The following FOXP1 variants were observed in gnomAD, a reference collection of about 807,000 sequenced individuals.
The protein encoded by FOXP1 is forkhead box protein P1.
FOXP1 carries 15 observed loss-of-function variants against 98.2 expected under a neutral mutation model. That is an observed-to-expected ratio of 0.15 (90% CI 0.10 to 0.24). FOXP1 has a LOEUF of 0.24. Ranked by LOEUF, FOXP1 falls within the 10% of genes least tolerant of loss-of-function variation. FOXP1 has a pLI of 1.00. For missense variants in FOXP1, 633 were observed against 848.5 expected (o/e 0.75, Z 3.15); for synonymous variants, 371 against 314.5 (o/e 1.18, Z -1.90).
At chr3:71,090,501 T>A (rs1289491158) in intron 7 of FOXP1, among the ~76,000 whole-genome samples, 3 of 152,156 alleles carry the variant, frequency 2.0e-5, no homozygotes, top group Admixed American at 1.3e-4. Flanking sequence ...CAACTCTAAC[T>A]AGAAGGCTTG....
At chr3:71,030,376 G>A (rs922320753) in intron 11 of FOXP1, among the ~76,000 whole-genome samples, 5 of 152,120 alleles carry the variant, frequency 3.3e-5, no homozygotes, top group African/African-American at 7.2e-5. Flanking sequence ...TCTTATTCAC[G>A]TTTGTTCCAG....
chr3:71,547,041 C>G (rs2045418611), intron 2 of FOXP1, among the ~76,000 whole-genome samples: 1 of 152,146 alleles, frequency 6.6e-6, no homozygotes, highest in African/African-American at 2.4e-5. Context: ...AATAAATACT[C>G]AGGGCTGAAT....
At chr3:71,197,790 C>G (rs2063382998) in intron 6 of FOXP1, 3 of 1,244,908 alleles carry the variant, frequency 2.4e-6, no homozygotes, top group African/African-American at 3.0e-5. Flanking sequence ...CTCTTTTTCT[C>G]TCTTTTATTC....
intron 6 of FOXP1, among the ~76,000 whole-genome samples, chr3:71,174,011 C>T (rs765675622): frequency 5.9e-5 from 9 of 152,194 alleles, no homozygotes; most frequent in Non-Finnish European, 8.8e-5. Context: ...AAATACCCAT[C>T]TATGCATGGT....
chr3:71,328,517 G>T (rs553729187), intron 4 of FOXP1, among the ~76,000 whole-genome samples: 5 of 152,188 alleles, frequency 3.3e-5, no homozygotes, highest in African/African-American at 1.2e-4. Context: ...TGCCTCAGAG[G>T]AACACAATGT....
At chr3:71,420,525 A>G (rs904454290) in intron 3 of FOXP1, among the ~76,000 whole-genome samples, 1 of 152,198 alleles carries the variant, frequency 6.6e-6, no homozygotes, top group African/African-American at 2.4e-5. Context: ...AATTCTATGC[A>G]TACACATAAA....
intron 2 of FOXP1, among the ~76,000 whole-genome samples, chr3:71,580,335 T>C (rs764438653): frequency 3.3e-5 from 5 of 151,968 alleles, no homozygotes; most frequent in Admixed American, 6.6e-5. Context: ...GGTAACTAGT[T>C]GAGTTCCTTT....
At chr3:71,447,821 C>T (rs1424527067) in intron 3 of FOXP1, among the ~76,000 whole-genome samples, 1 of 152,084 alleles carries the variant, frequency 6.6e-6, no homozygotes, top group African/African-American at 2.4e-5. Flanking sequence ...TCTCTTTCAC[C>T]CTACTCAAGA....
At chr3:71,486,757 C>A (rs1577785163) in intron 3 of FOXP1, among the ~76,000 whole-genome samples, 1 of 152,298 alleles carries the variant, frequency 6.6e-6, no homozygotes, top group East Asian at 1.9e-4. Flanking sequence ...AAATTTCCTT[C>A]TCTTTGCTTC....
chr3:71,336,142 G>GAAGTTAC (rs1293349083), intron 4 of FOXP1, among the ~76,000 whole-genome samples: 1 of 147,654 alleles, frequency 6.8e-6, no homozygotes, highest in Non-Finnish European at 1.5e-5. Context: ...CGAATGCAAA[G>GAAGTTAC]AAGTTACACT....
At chr3:71,016,937 C>T (rs953606903) in intron 11 of FOXP1, among the ~76,000 whole-genome samples, 3 of 151,806 alleles carry the variant, frequency 2.0e-5, no homozygotes, top group East Asian at 1.9e-4. Flanking sequence ...AATAATTTTG[C>T]TGGAAATCTA....
At position 71,213,884 on chromosome 3, in the gene FOXP1, A is replaced by T. The variant is rs77037936; in HGVS notation, c.-11-15492T>A. On this transcript the variant is annotated intron_variant, in intron 5 of 20. Coordinates refer to ENST00000649528, the MANE Select transcript of FOXP1 (RefSeq NM_001349338.3). ...TATTCAAATCTTACAAACACATAAA[A>T]ATGGTAACATTGTGTTACATGATGA... 2.7e-3 allele frequency among the ~76,000 whole-genome samples: 404 copies of T among 152,338 alleles called. 1 individual carries two copies. The highest frequency in any genetic ancestry group is 8.9e-3 in the African/African-American group (371 of 41,574).
chr3:71,398,605 G>A (rs1349186777), intron 3 of FOXP1, among the ~76,000 whole-genome samples: 1 of 152,060 alleles, frequency 6.6e-6, no homozygotes, highest in Non-Finnish European at 1.5e-5. Context: ...CACGGGCTGG[G>A]GGTGCAGAGT....
chr3:71,039,793 T>C (rs1239819827), intron 11 of FOXP1, among the ~76,000 whole-genome samples: 1 of 150,950 alleles, frequency 6.6e-6, no homozygotes, highest in Non-Finnish European at 1.5e-5. Flanking sequence ...TAAGAGATTG[T>C]AAAGCAAGAG....
chr3:71,059,133 A>C (rs776493951), intron 7 of FOXP1, among the ~76,000 whole-genome samples: 9 of 152,254 alleles, frequency 5.9e-5, no homozygotes, highest in Admixed American at 1.3e-4. Flanking sequence ...ACCTCTTTAA[A>C]ATGCAATTAG....
intron 5 of FOXP1, among the ~76,000 whole-genome samples, chr3:71,258,910 C>T (rs1339672456): frequency 6.6e-6 from 1 of 152,092 alleles, no homozygotes; most frequent in African/African-American, 2.4e-5. Flanking sequence ...CTGTGGGAGT[C>T]CCAGACAGCC....
intron 6 of FOXP1, among the ~76,000 whole-genome samples, chr3:71,155,339 T>G (rs2108093627): frequency 6.6e-6 from 1 of 152,322 alleles, no homozygotes; most frequent in African/African-American, 2.4e-5. Flanking sequence ...ATACAGAATT[T>G]TAAATTTTTA....
chr3:71,407,170 T>C (rs2082408821), intron 3 of FOXP1, among the ~76,000 whole-genome samples: 1 of 152,134 alleles, frequency 6.6e-6, no homozygotes, highest in African/African-American at 2.4e-5. Context: ...GAAGCCTGCA[T>C]CTAATTTTAC....
intron 20 of FOXP1, among the ~76,000 whole-genome samples, chr3:70,964,116 G>A (rs1559574152): frequency 2.0e-5 from 3 of 152,218 alleles, no homozygotes; most frequent in Non-Finnish European, 4.4e-5. Context: ...AGCAGGCGCA[G>A]GGAATCTGCT....
Sources: allele counts gnomAD v4.1 joint callset (sites outside exome capture counted in the v4.1 genomes callset), GRCh38; gene constraint gnomAD v4.1.1; transcripts MANE v1.5; gene names NCBI Gene and HGNC (gene_info 2026-07-23, HGNC 2026-07-21).